The following VPS41 variants were observed in gnomAD, a reference collection of about 807,000 sequenced individuals.
VPS41 encodes the protein VPS41 subunit of HOPS complex.
A neutral mutation model predicts 130.9 loss-of-function variants in VPS41; 85 were observed. The ratio of observed to expected loss-of-function variants is 0.65; its 90% CI spans 0.55 to 0.78. VPS41 has a LOEUF of 0.78. Ranked by LOEUF, VPS41 falls within the 30% of genes least tolerant of loss-of-function variation. VPS41 has a pLI of 0.00. For missense variants in VPS41, 874 were observed against 1,018.7 expected, an observed-to-expected ratio of 0.86 and a Z score of 1.93; for synonymous variants, 335 against 332.9, an observed-to-expected ratio of 1.01 and a Z score of -0.07.
chr7:38,847,867 G>GA (rs1785762057), intron 4 of VPS41, among the ~76,000 whole-genome samples: 1 of 152,168 alleles, frequency 6.6e-6, no homozygotes, highest in Non-Finnish European at 1.5e-5. Flanking sequence ...CTAAACATTT[G>GA]AGAGAGTAAA....
intron 2 of VPS41, among the ~76,000 whole-genome samples, chr7:38,884,982 GTACTA>G (rs1241460720): frequency 7.3e-6 from 1 of 136,646 alleles, no homozygotes; most frequent in Non-Finnish European, 1.5e-5. Flanking sequence ...AAAGTTCTTT[GTACTA>G]TACTCTAAAC....
At chr7:38,879,091 C>G (rs1358210859) in intron 2 of VPS41, among the ~76,000 whole-genome samples, 1 of 152,116 alleles carries the variant, frequency 6.6e-6, no homozygotes, top group Non-Finnish European at 1.5e-5. Context: ...CCAACTCAGC[C>G]CTGAAGACAT....
chr7:38,870,739 C>CAAAAAAAAAAAA (rs70977434), intron 2 of VPS41, among the ~76,000 whole-genome samples: 5 of 29,736 alleles, frequency 1.7e-4, no homozygotes, highest in Admixed American at 4.8e-4. Context: ...ACTATATGTT[C>CAAAAAAAAAAAA]AAAAAAAAAA....
At chr7:38,823,723 G>A (rs1386332204) in intron 5 of VPS41, among the ~76,000 whole-genome samples, 1 of 152,108 alleles carries the variant, frequency 6.6e-6, no homozygotes. Flanking sequence ...TGCCAAGTTT[G>A]TTATTTGGGT....
At chr7:38,726,460 T>G in intron 28 of VPS41, 134 bp from the exon 29 acceptor site, 1 of 674,234 alleles carries the variant, frequency 1.5e-6, no homozygotes, top group Non-Finnish European at 2.5e-6. Context: ...CTCTGGAGTT[T>G]ATTTCTGGTT....
At chr7:38,893,767 T>C (rs955882205) in intron 2 of VPS41, among the ~76,000 whole-genome samples, 15 of 152,238 alleles carry the variant, frequency 9.9e-5, no homozygotes, top group Non-Finnish European at 1.5e-5. Context: ...CTGCAAAATA[T>C]ATTAAAATTC....
chr7:38,842,074 T>C (rs1041593501), intron 4 of VPS41, among the ~76,000 whole-genome samples: 3 of 152,238 alleles, frequency 2.0e-5, no homozygotes, highest in African/African-American at 7.2e-5. Context: ...ACCAGTGCCT[T>C]CTTCTGTATT....
At chr7:38,831,657 A>G (rs1377594892) in intron 4 of VPS41, among the ~76,000 whole-genome samples, 2 of 152,202 alleles carry the variant, frequency 1.3e-5, no homozygotes, top group Admixed American at 6.5e-5. Flanking sequence ...ATATTCTGTA[A>G]ATCACATTAT....
At chr7:38,811,108 A>G (rs1410767034) in intron 7 of VPS41, among the ~76,000 whole-genome samples, 1 of 152,126 alleles carries the variant, frequency 6.6e-6, no homozygotes, top group African/African-American at 2.4e-5. Context: ...AACCTTCTAA[A>G]TGCCTTTAGT....
At chr7:38,753,330 G>A (rs181669425) in intron 21 of VPS41, among the ~76,000 whole-genome samples, 12 of 152,174 alleles carry the variant, frequency 7.9e-5, no homozygotes, top group African/African-American at 2.9e-4. Flanking sequence ...ATGGACACAT[G>A]CACCTTAAGA....
chr7:38,813,539 T>C (rs1784984274), intron 7 of VPS41, among the ~76,000 whole-genome samples: 1 of 152,164 alleles, frequency 6.6e-6, no homozygotes, highest in Non-Finnish European at 1.5e-5. Flanking sequence ...TATGTATCAA[T>C]AAAACTATTT....
intron 10 of VPS41, among the ~76,000 whole-genome samples, chr7:38,780,331 C>G (rs1784334558): frequency 1.3e-5 from 2 of 151,840 alleles, no homozygotes; most frequent in Admixed American, 6.6e-5. Flanking sequence ...CTATGTTCAC[C>G]TAGATGATGG....
intron 17 of VPS41, 35 bp downstream of exon 17, chr7:38,763,420 G>A (rs747451429): frequency 1.4e-6 from 2 of 1,422,182 alleles, no homozygotes; most frequent in Admixed American, 4.4e-5. Flanking sequence ...CTCCCATCGA[G>A]AACAAGTAAA....
At chr7:38,806,383 A>C (rs1784838039) in intron 7 of VPS41, among the ~76,000 whole-genome samples, 1 of 152,240 alleles carries the variant, frequency 6.6e-6, no homozygotes, top group South Asian at 2.1e-4. Context: ...GTCCAAAGAC[A>C]GAAGAATGGT....
At chr7:38,778,255 T>C (rs1160171850) in intron 10 of VPS41, among the ~76,000 whole-genome samples, 3 of 152,122 alleles carry the variant, frequency 2.0e-5, no homozygotes, top group African/African-American at 7.2e-5. Context: ...TACTTAAGAA[T>C]AGTTTTGGTA....
At chr7:38,825,523 G>A (rs917409939) in intron 5 of VPS41, among the ~76,000 whole-genome samples, 1 of 151,956 alleles carries the variant, frequency 6.6e-6, no homozygotes, top group Non-Finnish European at 1.5e-5. Context: ...GAATCCCTCC[G>A]CTTTTGGGAA....
chr7:38,856,845 T>A (rs1160536973), intron 4 of VPS41, among the ~76,000 whole-genome samples: 1 of 151,994 alleles, frequency 6.6e-6, no homozygotes, highest in East Asian at 1.9e-4. Context: ...AAAGAAGTCA[T>A]CAAAAGCTTA....
intron 2 of VPS41, among the ~76,000 whole-genome samples, chr7:38,876,417 G>A (rs745419807): frequency 1.3e-5 from 2 of 152,140 alleles, no homozygotes; most frequent in African/African-American, 2.4e-5. Flanking sequence ...GGGGGAAGAT[G>A]AGAAGAATAA....
intron 18 of VPS41, among the ~76,000 whole-genome samples, chr7:38,757,439 A>G (rs1464614665): frequency 2.6e-5 from 4 of 152,160 alleles, no homozygotes; most frequent in Non-Finnish European, 4.4e-5. Context: ...CATTGAAACA[A>G]TGTTTTTCAC....
Sources: gnomAD v4.1 joint callset for allele counts (sites outside exome capture counted in the v4.1 genomes callset) on GRCh38, gnomAD v4.1.1 for gene constraint, MANE v1.5 for transcripts, NCBI Gene and HGNC (gene_info 2026-07-23, HGNC 2026-07-21) for gene names.